Variants in MPPED2 observed in about 807,000 individuals in gnomAD.
The protein encoded by MPPED2 is metallophosphoesterase MPPED2.
A neutral mutation model predicts 33.0 loss-of-function variants in MPPED2; 5 were observed. The observed-to-expected ratio is 0.15, with a 90% confidence interval of 0.08 to 0.32. The LOEUF is 0.32. Among genes scored for constraint, MPPED2 ranks in the 10% least tolerant of loss-of-function variants. The pLI is 1.00. For missense variants in MPPED2, 275 were observed against 372.1 expected (o/e 0.74, Z 2.15); for synonymous variants, 136 against 141.9 (o/e 0.96, Z 0.29).
intron 4 of MPPED2, among the ~76,000 whole-genome samples, chr11:30,482,817 T>C (rs992914093): frequency 2.0e-5 from 3 of 152,212 alleles, no homozygotes; most frequent in African/African-American, 7.2e-5. Context: ...CTGTTAAGCC[T>C]GTGGTTTACA....
chr11:30,448,981 G>C (rs488667), intron 4 of MPPED2, among the ~76,000 whole-genome samples: 90,784 of 151,806 alleles, frequency 0.6, 28,516 homozygotes, highest in African/African-American at 0.81. Context: ...ACCACATGCT[G>C]TATGTTTCCT....
chr11:30,524,111 A>C (rs1281446848), intron 3 of MPPED2, among the ~76,000 whole-genome samples: 4 of 151,982 alleles, frequency 2.6e-5, no homozygotes, highest in Non-Finnish European at 5.9e-5. Context: ...TTAGCTCGGC[A>C]TGATGACCAG....
chr11:30,409,719 T>G (rs1948042790), downstream of MPPED2, among the ~76,000 whole-genome samples: 1 of 152,186 alleles, frequency 6.6e-6, no homozygotes, highest in Admixed American at 6.5e-5. Context: ...TTTGCTTCAG[T>G]GGTTCTTCTG....
At chr11:30,412,246 T>G (rs993620734) in intron 6 of MPPED2, among the ~76,000 whole-genome samples, 3 of 149,522 alleles carry the variant, frequency 2.0e-5, no homozygotes, top group African/African-American at 7.4e-5. Flanking sequence ...ACCTGGATAC[T>G]AGATCAAGCA....
intron 4 of MPPED2, among the ~76,000 whole-genome samples, chr11:30,479,640 G>GA (rs1951388514): frequency 8.3e-6 from 1 of 120,762 alleles, no homozygotes; most frequent in African/African-American, 4.0e-5. Context: ...TACCTCTAAA[G>GA]GAAAAAAAAA....
At chr11:30,419,487 A>T (rs1311978304) in intron 4 of MPPED2, among the ~76,000 whole-genome samples, 1 of 152,174 alleles carries the variant, frequency 6.6e-6, no homozygotes, top group East Asian at 1.9e-4. Flanking sequence ...GAAATCCAGT[A>T]ATAACATAGT....
At chr11:30,395,964 CT>C (rs1947835378) in intron 6 of MPPED2, among the ~76,000 whole-genome samples, 1 of 152,186 alleles carries the variant, frequency 6.6e-6, no homozygotes, top group Non-Finnish European at 1.5e-5. Flanking sequence ...ATTTCCTGAT[CT>C]TTGACCTAAC....
intron 2 of MPPED2, among the ~76,000 whole-genome samples, chr11:30,543,233 T>C (rs1249855970): frequency 6.6e-6 from 1 of 152,244 alleles, no homozygotes; most frequent in Non-Finnish European, 1.5e-5. Context: ...CATGCACATA[T>C]GGATTTTGCT....
At chr11:30,412,282 A>C in intron 6 of MPPED2, among the ~76,000 whole-genome samples, 1 of 150,220 alleles carries the variant, frequency 6.7e-6, no homozygotes. Context: ...TGCAATATAA[A>C]CCTTTTGTGA....
chr11:30,451,897 T>C (rs1640987047), intron 4 of MPPED2: 3 of 985,158 alleles, frequency 3.0e-6, no homozygotes, highest in South Asian at 4.7e-5. Context: ...CTCAATGCAA[T>C]TGTGGGCAAG....
chr11:30,424,407 G>A (rs972558718), intron 4 of MPPED2, among the ~76,000 whole-genome samples: 11 of 152,098 alleles, frequency 7.2e-5, no homozygotes, highest in Non-Finnish European at 1.0e-4. Flanking sequence ...ACTCCCAGCC[G>A]CCATCGGCCC....
At chr11:30,561,354 C>T (rs530534137) in intron 2 of MPPED2, among the ~76,000 whole-genome samples, 1 of 152,266 alleles carries the variant, frequency 6.6e-6, no homozygotes, top group South Asian at 2.1e-4. Flanking sequence ...ATAATTTCCT[C>T]ATTATGAAGT....
intron 3 of MPPED2, among the ~76,000 whole-genome samples, chr11:30,513,339 C>A (rs183219804): frequency 2.4e-4 from 37 of 152,306 alleles, no homozygotes; most frequent in African/African-American, 8.9e-4. Context: ...CAGGCCTTGT[C>A]TTCTGTGCAC....
intron 2 of MPPED2, among the ~76,000 whole-genome samples, chr11:30,578,120 C>A (rs192707306): frequency 2.6e-5 from 4 of 151,998 alleles, no homozygotes; most frequent in African/African-American, 9.7e-5. Flanking sequence ...GGATTGGAAA[C>A]GGATAGGTAG....
intron 4 of MPPED2, among the ~76,000 whole-genome samples, chr11:30,440,588 A>C (rs1949527816): frequency 6.6e-6 from 1 of 152,224 alleles, no homozygotes; most frequent in African/African-American, 2.4e-5. Context: ...TTTACAGAGA[A>C]AAGAGAAGCT....
At chr11:30,408,464 A>G (rs1192762313), downstream of MPPED2, among the ~76,000 whole-genome samples, 1 of 152,156 alleles carries the variant, frequency 6.6e-6, no homozygotes, top group Non-Finnish European at 1.5e-5. Context: ...GGCATGTGCC[A>G]CCACGCCCAG....
chr11:30,553,896 T>A (rs1217923808), intron 2 of MPPED2, among the ~76,000 whole-genome samples: 1 of 151,998 alleles, frequency 6.6e-6, no homozygotes, highest in Non-Finnish European at 1.5e-5. Context: ...TGTCAGGGAG[T>A]CATATTGCAC....
chr11:30,532,399 G>T (rs1413089059), intron 3 of MPPED2, among the ~76,000 whole-genome samples: 1 of 151,922 alleles, frequency 6.6e-6, no homozygotes, highest in Non-Finnish European at 1.5e-5. Context: ...ATACATTTTG[G>T]TGCTCCCTCT....
At chr11:30,500,865 T>C (rs1952525634) in intron 3 of MPPED2, among the ~76,000 whole-genome samples, 1 of 152,202 alleles carries the variant, frequency 6.6e-6, no homozygotes, top group Admixed American at 6.5e-5. Context: ...TCCACAAGAC[T>C]TCCTGGTAAC....
Sources: gnomAD v4.1 joint callset for allele counts (sites outside exome capture counted in the v4.1 genomes callset) on GRCh38, gnomAD v4.1.1 for gene constraint, MANE v1.5 for transcripts, NCBI Gene and HGNC (gene_info 2026-07-23, HGNC 2026-07-21) for gene names.